The following PARP16 variants were observed in gnomAD, a reference collection of about 807,000 sequenced individuals.
The protein encoded by PARP16 is poly(ADP-ribose) polymerase family member 16.
PARP16 carries 31 observed loss-of-function variants against 35.0 expected under a neutral mutation model. That is an observed-to-expected ratio of 0.88 (90% CI 0.66 to 1.19). The LOEUF is 1.19. Ranked by LOEUF, PARP16 falls within the 50% of genes most tolerant of loss-of-function variation. PARP16 has a pLI of 0.00. For synonymous variants in PARP16, 162 were observed against 169.5 expected (o/e 0.96, Z 0.34); for missense variants, 424 against 411.2 (o/e 1.03, Z -0.27).
In PARP16 at chr15:65,286,502, G is replaced by A; in HGVS notation, c.-76C>T. ...CGAGCGTGCGTTCAGCGCGGGGGCTGGGCCCGCGGACAATGGGCCGTCAGG... is the reference window on the plus strand; with the variant it reads ...CGAGCGTGCGTTCAGCGCGGGGGCTAGGCCCGCGGACAATGGGCCGTCAGG... On this transcript the variant is annotated 5_prime_UTR_variant, in exon 1 of 6. Coordinates refer to ENST00000649807, the MANE Select transcript of PARP16 (RefSeq NM_001316943.2). 4.2e-6 allele frequency: 5 copies of A among 1,202,512 alleles called. No homozygotes were observed. Among genetic ancestry groups the A allele is most frequent in the East Asian group, 3.1e-5 (1 of 32,394 alleles). The allele number at this position is 1,202,512 out of a possible 1,614,324, so 74.5% of individuals were successfully genotyped here.
chr15:65,266,423 A>G (rs1016952377), intron 3 of PARP16, 139 bp downstream of exon 3: 1 of 680,382 alleles, frequency 1.5e-6, no homozygotes, highest in Admixed American at 2.4e-5. Context: ...TGGTGTGCAG[A>G]CCACATTTTG....
At chr15:65,241,361 G>A (rs867970376) in intron 3 of PARP16, among the ~76,000 whole-genome samples, 2 of 152,016 alleles carry the variant, frequency 1.3e-5, no homozygotes, top group Admixed American at 6.6e-5. Flanking sequence ...GGCTGGTCTC[G>A]AACTCCTGAC....
At chr15:65,244,958 C>T (rs934259087) in intron 3 of PARP16, among the ~76,000 whole-genome samples, 4 of 152,164 alleles carry the variant, frequency 2.6e-5, no homozygotes, top group African/African-American at 9.7e-5. Flanking sequence ...GGCCAGGATG[C>T]TGGGGGGATA....
In PARP16 at chr15:65,260,979, C is replaced by T. The variant is rs1485559240; in HGVS notation, c.739G>A (p.Gly247Arg). Residue 247 changes from glycine to arginine, a missense_variant, in exon 5 of 6, where the codon GGG becomes AGG. Coordinates refer to ENST00000649807, the MANE Select transcript of PARP16 (RefSeq NM_001316943.2). The stretch of plus-strand genomic sequence containing the variant: ...AAGTACTTGGGAGGGATGTCTCCCC[C>T]TTCACTATGTTTGATTCTCGCTCGT... ...RRRARIKHSE[G>R]GDIPPKYFVV... 2 of 1,612,338 alleles carry T rather than the reference C, an allele frequency of 1.2e-6. No individual in the cohort carries two copies. The highest frequency in any genetic ancestry group is 2.7e-5 in the African/African-American group (2 of 74,886).
downstream of PARP16, among the ~76,000 whole-genome samples, chr15:65,256,380 C>T (rs1355242837): frequency 3.3e-5 from 5 of 150,350 alleles, no homozygotes; most frequent in African/African-American, 1.2e-4. Context: ...TGCTTAGAAC[C>T]TTCTAATGGC....
intron 3 of PARP16, among the ~76,000 whole-genome samples, chr15:65,241,337 C>T (rs1294848037): frequency 1.4e-5 from 2 of 147,964 alleles, no homozygotes; most frequent in East Asian, 2.0e-4. Context: ...GACGGGGTTT[C>T]ACCATGTTGG....
chr15:65,268,147 C>T (rs1327624679), intron 2 of PARP16, among the ~76,000 whole-genome samples: 1 of 152,202 alleles, frequency 6.6e-6, no homozygotes, highest in Non-Finnish European at 1.5e-5. Context: ...ATGGAACCTA[C>T]TTCTCCACCC....
intron 3 of PARP16, among the ~76,000 whole-genome samples, chr15:65,238,994 G>C (rs777168651): frequency 3.9e-5 from 6 of 152,108 alleles, no homozygotes; most frequent in Non-Finnish European, 7.4e-5. Context: ...AGCCAGGTAT[G>C]ATGGCATGTG....
At chr15:65,257,761 A>T (rs574923985), downstream of PARP16, among the ~76,000 whole-genome samples, 3 of 152,268 alleles carry the variant, frequency 2.0e-5, no homozygotes, top group East Asian at 5.8e-4. Flanking sequence ...ACTCCTTGCC[A>T]AGTATTTCCC....
chr15:65,235,174 G>T (rs1035168206), intron 3 of PARP16, among the ~76,000 whole-genome samples: 4 of 152,024 alleles, frequency 2.6e-5, no homozygotes, highest in Non-Finnish European at 4.4e-5. Flanking sequence ...GGGCGTAGTG[G>T]TGGGCGCCTG....
chr15:65,286,180 T>G, intron 1 of PARP16, 73 bp downstream of exon 1: 1 of 1,217,810 alleles, frequency 8.2e-7, no homozygotes, highest in African/African-American at 1.6e-5. Context: ...CGGATGGAAC[T>G]GCCTCTACCT....
chr15:65,269,204 CTTTT>C (rs894925251), intron 2 of PARP16, among the ~76,000 whole-genome samples: 2 of 103,490 alleles, frequency 1.9e-5, no homozygotes, highest in Admixed American at 1.1e-4. Flanking sequence ...TTCTTTCTTT[CTTTT>C]TTTTTTGAGA....
At chr15:65,275,149 A>G (rs2090211991) in intron 1 of PARP16, among the ~76,000 whole-genome samples, 1 of 151,930 alleles carries the variant, frequency 6.6e-6, no homozygotes, top group Non-Finnish European at 1.5e-5. Context: ...GTCGTAACAA[A>G]GTTGGATACA....
In PARP16 at chr15:65,286,696, G is replaced by C. The variant is rs1303038426; in HGVS notation, c.-270C>G. 92 of 269,912 alleles carry C rather than the reference G, an allele frequency of 3.4e-4. No individual in the cohort carries two copies. The highest frequency in any genetic ancestry group is 1.3e-3 in the East Asian group (20 of 15,094). The allele number at this position is 269,912 out of a possible 1,614,324, so 16.7% of individuals were successfully genotyped here. A position where few individuals can be genotyped will look rare whatever the true frequency, so the allele number is the denominator to read the frequency against. On this transcript the variant is annotated 5_prime_UTR_variant, in exon 1 of 6. Transcript: ENST00000649807. The stretch of plus-strand genomic sequence containing the variant: ...GGGGAGGTTGGGCCCAGGGATAAAG[G>C]AACTGGGGCTGGTGGGGGGGAGGGG...
intron 2 of PARP16, among the ~76,000 whole-genome samples, chr15:65,252,075 G>A (rs1297799857): frequency 6.6e-6 from 1 of 152,176 alleles, no homozygotes; most frequent in Non-Finnish European, 1.5e-5. Context: ...ACATGCCTAG[G>A]TTTGAAGCAA....
At chr15:65,235,298 CTCCG>C in intron 3 of PARP16, among the ~76,000 whole-genome samples, 1 of 151,698 alleles carries the variant, frequency 6.6e-6, no homozygotes. Flanking sequence ...CAGAAAGAGA[CTCCG>C]TCCCCCCCAA....
intron 2 of PARP16, among the ~76,000 whole-genome samples, chr15:65,252,855 G>T (rs1040962343): frequency 5.3e-5 from 8 of 152,182 alleles, no homozygotes; most frequent in Non-Finnish European, 1.2e-4. Flanking sequence ...GCGGCTGGGC[G>T]TGGTGGCTCA....
chr15:65,250,381 G>A (rs911542237), intron 2 of PARP16, among the ~76,000 whole-genome samples: 3 of 151,786 alleles, frequency 2.0e-5, no homozygotes, highest in Non-Finnish European at 2.9e-5. Context: ...GCCTCCCAAA[G>A]TGCTGGGATT....
At chr15:65,260,601 T>C (rs183568705) in intron 5 of PARP16, among the ~76,000 whole-genome samples, 12 of 152,308 alleles carry the variant, frequency 7.9e-5, no homozygotes, top group African/African-American at 2.9e-4. Flanking sequence ...GCCTAATGGC[T>C]AAGGGGCCAC....
Sources: gnomAD v4.1 joint callset for allele counts (sites outside exome capture counted in the v4.1 genomes callset) on GRCh38, gnomAD v4.1.1 for gene constraint, MANE v1.5 for transcripts, NCBI Gene and HGNC (gene_info 2026-07-23, HGNC 2026-07-21) for gene names.